Variants in PCDHGB3 observed in about 807,000 individuals in gnomAD.
PCDHGB3 encodes protocadherin gamma-B3.
A neutral mutation model predicts 59.2 loss-of-function variants in PCDHGB3; 40 were observed. The ratio of observed to expected loss-of-function variants is 0.68; its 90% CI spans 0.52 to 0.88. The LOEUF (loss-of-function observed/expected upper bound fraction) is 0.88, where lower values mean the gene tolerates loss of function less well. PCDHGB3 is among the 40% of genes least tolerant of loss of function. PCDHGB3 has a pLI of 0.00. For missense variants in PCDHGB3, 1,309 were observed against 1,187.9 expected (o/e 1.10, Z -1.50); for synonymous variants, 581 against 503.6 (o/e 1.15, Z -2.06).
intron 1 of PCDHGB3, among the ~76,000 whole-genome samples, chr5:141,461,148 A>G (rs1293565790): frequency 1.3e-5 from 2 of 152,090 alleles, no homozygotes; most frequent in Non-Finnish European, 2.9e-5. Context: ...CTTTGGGTAG[A>G]TACCCAATAG....
intron 1 of PCDHGB3, chr5:141,421,565 A>T (rs1373619696): frequency 1.2e-6 from 2 of 1,613,834 alleles, no homozygotes; most frequent in Admixed American, 3.3e-5. Context: ...CTCGTGGAAG[A>T]CACCTTGAAG....
intron 1 of PCDHGB3, chr5:141,427,922 G>A: frequency 6.3e-7 from 1 of 1,580,742 alleles, no homozygotes; most frequent in Non-Finnish European, 8.6e-7. Flanking sequence ...ACATGAGCCG[G>A]CGCATGTTGG....
intron 1 of PCDHGB3, among the ~76,000 whole-genome samples, chr5:141,488,661 G>T (rs573211567): frequency 6.6e-6 from 1 of 152,246 alleles, no homozygotes; most frequent in African/African-American, 2.4e-5. Context: ...GGAGGGTGGG[G>T]GAATACATGG....
intron 1 of PCDHGB3, among the ~76,000 whole-genome samples, chr5:141,460,285 T>C (rs1283830175): frequency 1.3e-5 from 2 of 152,154 alleles, no homozygotes; most frequent in Admixed American, 6.5e-5. Context: ...ATAGTTTGTA[T>C]TTCTTATGTC....
chr5:141,421,073 G>A (rs2096544393), intron 1 of PCDHGB3: 4 of 613,858 alleles, frequency 6.5e-6, no homozygotes, highest in Non-Finnish European at 1.1e-5. Flanking sequence ...GGAATGAGAT[G>A]GATACTCACA....
chr5:141,410,023 C>G, intron 1 of PCDHGB3: 1 of 1,613,310 alleles, frequency 6.2e-7, no homozygotes, highest in Non-Finnish European at 8.5e-7. Context: ...TGTCCTACCA[C>G]GTGCTGCAGG....
At chr5:141,435,314 G>T (rs1490871069) in intron 1 of PCDHGB3, among the ~76,000 whole-genome samples, 6 of 152,006 alleles carry the variant, frequency 3.9e-5, no homozygotes, top group African/African-American at 9.7e-5. Flanking sequence ...AATCATTCAT[G>T]AACTTCCAAA....
chr5:141,478,497 CGGTGTTCTATAGGCA>C, intron 1 of PCDHGB3: 1 of 1,612,820 alleles, frequency 6.2e-7, no homozygotes, highest in South Asian at 1.1e-5. Flanking sequence ...AGCTGTGATC[CGGTGTTCTATAGGCA>C]GGTGTTGGGT....
chr5:141,414,243 A>G (rs2154544977), intron 1 of PCDHGB3: 1 of 1,613,556 alleles, frequency 6.2e-7, no homozygotes. Context: ...TCACGTCTCT[A>G]TTTAGTCCAG....
intron 1 of PCDHGB3, chr5:141,374,870 G>T: frequency 6.2e-7 from 1 of 1,613,702 alleles, no homozygotes; most frequent in Non-Finnish European, 8.5e-7. Context: ...ACCAGTGTTG[G>T]CAGTGACTGC....
At chr5:141,392,946 G>C (rs1175467046) in intron 1 of PCDHGB3, 11 of 1,613,940 alleles carry the variant, frequency 6.8e-6, no homozygotes, top group Non-Finnish European at 9.3e-6. Flanking sequence ...AGGCTCCTTC[G>C]TGGGTAATAT....
rs781695042 is a variant in PCDHGB3, at chr5:141,394,424, C to T, written c.2415+21615C>T. 6.2e-6 allele frequency: 10 copies of T among 1,614,104 alleles called. No individual in the cohort carries two copies. The African/African-American group carries it at 8.0e-5, about 13-fold the overall frequency. On this transcript the variant is annotated intron_variant, in intron 1 of 3. Transcript: ENST00000576222. The stretch of plus-strand genomic sequence containing the variant: ...AGCTACTGGTAACAGCCAGCGACAG[C>T]GGGGACCCGCCCCTCAGCAGCAACA...
chr5:141,385,212 C>T, intron 1 of PCDHGB3: 1 of 1,614,230 alleles, frequency 6.2e-7, no homozygotes, highest in Non-Finnish European at 8.5e-7. Context: ...TGATCTTCCC[C>T]CAGCCCAACT....
chr5:141,437,794 G>C (rs1162440523), intron 1 of PCDHGB3, among the ~76,000 whole-genome samples: 1 of 150,526 alleles, frequency 6.6e-6, no homozygotes, highest in Non-Finnish European at 1.5e-5. Context: ...CTGGAGTGCA[G>C]TGGCACTATC....
intron 1 of PCDHGB3, chr5:141,418,010 G>A: frequency 6.2e-7 from 1 of 1,613,914 alleles, no homozygotes; most frequent in African/African-American, 1.3e-5. Flanking sequence ...GGGGAACCTC[G>A]CTAAGGATCT....
chr5:141,379,082 T>C (rs982884901), intron 1 of PCDHGB3: 9 of 152,216 alleles, frequency 5.9e-5, no homozygotes, highest in Non-Finnish European at 1.2e-4. Flanking sequence ...CTGAATTTGT[T>C]ATGAATGTGT....
Position 141,477,354 on chromosome 5 carries a change from C to T in PCDHGB3, c.2416-17453C>T, listed in dbSNP as rs1164062950. On this transcript the variant is annotated intron_variant, in intron 1 of 3. Coordinates refer to ENST00000576222, the MANE Select transcript of PCDHGB3 (RefSeq NM_018924.5). This position sits in a 1 kb window ranked among gnomAD's most constrained non-coding sequence, Gnocchi z 4.9. ...AATTACTTCACTTTGAAAACCAGTG[C>T]AGACCTGGATCGGGAGACTGTGCCA... 14 of 1,614,202 alleles carry T rather than the reference C, an allele frequency of 8.7e-6. No homozygotes were observed. The highest frequency in any genetic ancestry group is 1.1e-5 in the Non-Finnish European group (13 of 1,180,036).
At chr5:141,383,069 G>C (rs370612007) in intron 1 of PCDHGB3, 5 of 1,613,768 alleles carry the variant, frequency 3.1e-6, no homozygotes, top group Non-Finnish European at 3.4e-6. Flanking sequence ...CTGGAGCCCC[G>C]GGAGCTGGCG....
rs376057952 is a variant in PCDHGB3 at position 141,417,907 on chromosome 5, A to G, written c.2415+45098A>G. On this transcript the variant is annotated intron_variant, in intron 1 of 3. Transcript: ENST00000576222. Reference sequence around the variant, plus strand: ...GGCGCCGGGCCGGCCCGCGGCAGGTACTATTTCCTTTGCTGCTGCCTTTGT... The same window carrying G: ...GGCGCCGGGCCGGCCCGCGGCAGGTGCTATTTCCTTTGCTGCTGCCTTTGT... The G allele has an allele frequency of 3.6e-4, 571 of 1,596,132 alleles. 2 individuals are homozygous for G. In the African/African-American group the frequency reaches 5.1e-3, roughly 14 times the overall value.
Sources: gnomAD v4.1 joint callset for allele counts (sites outside exome capture counted in the v4.1 genomes callset) on GRCh38, gnomAD v4.1.1 for gene constraint, Gnocchi (gnomAD v3.1) non-coding constraint, MANE v1.5 for transcripts, NCBI Gene and HGNC (gene_info 2026-07-23, HGNC 2026-07-21) for gene names.